The following MOGAT3 variants were observed in gnomAD, a reference collection of about 807,000 sequenced individuals.
MOGAT3 encodes monoacylglycerol O-acyltransferase 3.
Under a neutral mutation model 34.4 loss-of-function variants are expected in MOGAT3, and 39 were observed. The ratio of observed to expected loss-of-function variants is 1.13; its 90% confidence interval spans 0.88 to 1.48. The LOEUF is 1.48. MOGAT3 is among the 40% of genes most tolerant of loss of function. The pLI is 0.00. For synonymous variants in MOGAT3, 209 were observed against 179.2 expected (o/e 1.17, Z -1.33); for missense variants, 439 against 438.9 (o/e 1.00, Z 0.00).
Position 101,196,015 on chromosome 7 carries a change from C to T in MOGAT3, c.957G>A (p.Leu319=). ...CCTTGTGCTCCTCGAAGAGCTGCTC[C>T]AGGGCCGTCATGTAGAGGGCGTGAT... ...NHYHALYMTA[L]EQLFEEHKES... Residue 319 remains leucine, a synonymous_variant, in exon 7 of 7, where the codon CTG becomes CTA. Transcript: ENST00000223114. 6.2e-7 allele frequency: 1 copy of T among 1,614,154 alleles called. No individual in the cohort carries two copies. The highest frequency in any genetic ancestry group is 8.5e-7 in the Non-Finnish European group (1 of 1,180,024).
chr7:101,193,804 G>T (rs1410507603), downstream of MOGAT3, among the ~76,000 whole-genome samples: 2 of 152,112 alleles, frequency 1.3e-5, no homozygotes, highest in African/African-American at 4.8e-5. Flanking sequence ...GGAAGTCATG[G>T]GACTGCCCAT....
rs1358602772 is a variant in MOGAT3 at position 101,198,303 on chromosome 7, C to T, written c.556G>A (p.Ala186Thr). ...FILSQPQLGQAVVIMVGGAHE... is the reference protein window; with the variant it reads ...FILSQPQLGQTVVIMVGGAHE... ...GCACCCCCCACCATGATGACCACGG[C>T]CTGCCCGAGCTGGGGCTGGGACAGG... Residue 186 changes from alanine to threonine, a missense_variant, in exon 5 of 7, where the codon GCC (alanine) becomes ACC (threonine). Coordinates refer to ENST00000223114, the MANE Select transcript of MOGAT3 (RefSeq NM_178176.4). The T allele has an allele frequency of 4.4e-6, 7 of 1,600,362 alleles. No individual in the cohort carries two copies. Among genetic ancestry groups the T allele is most frequent in the Non-Finnish European group, 6.0e-6 (7 of 1,172,534 alleles).
At position 101,198,790 on chromosome 7, in the gene MOGAT3, A is replaced by C. The variant is rs1343501619; in HGVS notation, c.329T>G (p.Val110Gly). 2 of 1,613,768 alleles carry C rather than the reference A, an allele frequency of 1.2e-6. No homozygotes were observed. The highest frequency in any genetic ancestry group is 2.7e-5 in the African/African-American group (2 of 74,846). The change falls in exon 4 of 7, where the codon GTG becomes GGG. Residue 110 changes from valine to glycine, a missense_variant. Physicochemically the swap from Val to Gly is moderately radical, Grantham distance 109 (BLOSUM62 -3). Transcript: ENST00000223114. ...TAELPPDRNY[V>G]LGAHPHGIMC... Reference sequence around the variant, plus strand: ...GATCCCATGAGGGTGGGCGCCCAGCACGTAGTTCCGATCCGGGGGCAGCTC... The same window carrying C: ...GATCCCATGAGGGTGGGCGCCCAGCCCGTAGTTCCGATCCGGGGGCAGCTC...
intron 5 of MOGAT3, among the ~76,000 whole-genome samples, chr7:101,197,390 G>A (rs1481493812): frequency 6.6e-6 from 1 of 151,766 alleles, no homozygotes; most frequent in African/African-American, 2.4e-5. Context: ...GTCTCCCTAT[G>A]TTGCCCAGGC....
intron 3 of MOGAT3, among the ~76,000 whole-genome samples, chr7:101,199,072 G>A (rs1230631670): frequency 1.3e-5 from 2 of 150,224 alleles, no homozygotes; most frequent in Non-Finnish European, 3.0e-5. Context: ...GCACGATCTC[G>A]GCTCACTGCA....
Position 101,198,533 on chromosome 7 carries a change from G to A in MOGAT3, c.493+93C>T, listed in dbSNP as rs954288078. 33 of 1,369,816 alleles carry A rather than the reference G, an allele frequency of 2.4e-5. No individual in the cohort carries two copies. The Admixed American group carries it at 5.7e-4, about 24-fold the overall frequency. 84.9% of individuals were successfully genotyped at this position (1,369,816 alleles called of 1,614,324 possible). ...GCTCAGGCTGGCCCCTGTCCTGGGT[G>A]GGGGACTTATTATGGGGGGGGGTGG... On this transcript the variant is annotated intron_variant, in intron 4 of 6. Transcript: ENST00000223114.
intron 3 of MOGAT3, 146 bp from the exon 4 acceptor site, chr7:101,198,976 C>T: frequency 1.8e-6 from 1 of 561,266 alleles, no homozygotes; most frequent in Non-Finnish European, 3.1e-6. Context: ...GTTAAAGGTT[C>T]TTAGGATAGG....
In MOGAT3 at chr7:101,200,427, G is replaced by A; in HGVS notation, c.198C>T (p.Asp66=). 1 of 1,612,866 alleles carries A rather than the reference G, an allele frequency of 6.2e-7. No individual in the cohort carries two copies. Among genetic ancestry groups the A allele is most frequent in the South Asian group, 1.1e-5 (1 of 91,026 alleles). Residue 66 remains aspartate (D), a synonymous_variant, in exon 2 of 7, where the codon GAC becomes GAT. Coordinates refer to ENST00000223114, the MANE Select transcript of MOGAT3 (RefSeq NM_178176.4). Reference sequence around the variant, plus strand: ...GCTCACCTTGGTTGGGTGTGTCCCAGTCCACATAGAGCCACACCAAGTAAA... The same window carrying A: ...GCTCACCTTGGTTGGGTGTGTCCCAATCCACATAGAGCCACACCAAGTAAA... ...SVFYLVWLYV[D]WDTPNQGGRR...
chr7:101,194,455 G>A (rs140321952), downstream of MOGAT3, among the ~76,000 whole-genome samples: 1,547 of 150,452 alleles, frequency 0.01, 31 homozygotes, highest in African/African-American at 0.036. Flanking sequence ...CAAAGTGCTG[G>A]GATTATAGGT....
chr7:101,196,482 C>T (rs1216221341), intron 5 of MOGAT3, 93 bp from the exon 6 acceptor site: 4 of 779,492 alleles, frequency 5.1e-6, no homozygotes, highest in South Asian at 3.6e-5. Context: ...CCACTACGTC[C>T]AGATGCTACC....
intron 5 of MOGAT3, 109 bp from the exon 6 acceptor site, chr7:101,196,498 G>A: frequency 1.5e-6 from 1 of 689,338 alleles, no homozygotes; most frequent in Non-Finnish European, 2.5e-6. Context: ...CTACCTCCCA[G>A]GGTCATTCAA....
rs745827603 is a variant in MOGAT3 at position 101,196,115 on chromosome 7, A to G, written c.872-15T>C. On this transcript the variant is annotated splice_polypyrimidine_tract_variant and intron_variant, in intron 6 of 6. Coordinates refer to ENST00000223114, the MANE Select transcript of MOGAT3 (RefSeq NM_178176.4). ...GGGGCGGCCCACTGCAGGGAGAGGG[A>G]GACAGGTGGGCGAGGGATCCCTGAT... 1.7e-5 allele frequency: 27 copies of G among 1,599,506 alleles called. 2 individuals are homozygous for G. The South Asian group carries it at 2.6e-4, about 15-fold the overall frequency.
intron 5 of MOGAT3, 28 bp downstream of exon 5, chr7:101,198,163 G>C: frequency 6.3e-7 from 1 of 1,587,934 alleles, no homozygotes; most frequent in Non-Finnish European, 8.6e-7. Flanking sequence ...GCAGAGAACT[G>C]ACAGGTAGGG....
At chr7:101,196,164 T>TC in intron 6 of MOGAT3, 23 bp downstream of exon 6, 1 of 1,566,806 alleles carries the variant, frequency 6.4e-7, no homozygotes, top group Non-Finnish European at 8.7e-7. Flanking sequence ...CTGGTGGCCG[T>TC]CCCCCCGGAG....
chr7:101,198,267 G>C lies in MOGAT3; in HGVS notation c.592C>G (p.Leu198Val), dbSNP rs149351569. 424 of 1,612,414 alleles carry C rather than the reference G, an allele frequency of 2.6e-4. 1 individual carries two copies. The African/African-American group carries it at 4.6e-3, about 18-fold the overall frequency. The part of the protein sequence containing the change: ...VIMVGGAHEA[L>V]YSVPGEHCLT... Reference sequence around the variant, plus strand: ...CAGTGCTCCCCGGGGACTGAATACAGGGCCTCGTGCGCACCCCCCACCATG... The same window carrying C: ...CAGTGCTCCCCGGGGACTGAATACACGGCCTCGTGCGCACCCCCCACCATG... Residue 198 changes from leucine to valine, a missense_variant, in exon 5 of 7, where the codon CTG becomes GTG. By Grantham distance (32) the Leu-to-Val change is conservative. Transcript: ENST00000223114.
intron 3 of MOGAT3, 55 bp from the exon 4 acceptor site, chr7:101,198,885 A>C: frequency 7.9e-6 from 12 of 1,517,938 alleles, no homozygotes; most frequent in Non-Finnish European, 1.1e-5. Context: ...ACCGGCTGAA[A>C]AGAGGGGCCC....
At chr7:101,193,694 C>T (rs139816331), downstream of MOGAT3, among the ~76,000 whole-genome samples, 6 of 152,286 alleles carry the variant, frequency 3.9e-5, no homozygotes, top group East Asian at 1.2e-3. Context: ...TCCTAAAGTG[C>T]TGGGCTTACA....
chr7:101,199,776 C>A (rs536234062), intron 3 of MOGAT3, among the ~76,000 whole-genome samples: 61 of 151,974 alleles, frequency 4.0e-4, no homozygotes, highest in African/African-American at 1.3e-3. Flanking sequence ...CATGGTGCCC[C>A]ACCAAGGCCC....
Position 101,195,712 on chromosome 7 carries a change from A to G in MOGAT3, c.*234T>C. The stretch of plus-strand genomic sequence containing the variant: ...ACATGCCACCATGCCCGGCTAATTA[A>G]CAACATTATTTTTTAATTTTTGTAG... On this transcript the variant is annotated 3_prime_UTR_variant, in exon 7 of 7. Coordinates refer to ENST00000223114, the MANE Select transcript of MOGAT3 (RefSeq NM_178176.4). The G allele has an allele frequency of 3.6e-6, 2 of 559,530 alleles. No homozygotes were observed. The highest frequency in any genetic ancestry group is 6.3e-6 in the Non-Finnish European group (2 of 315,322). 34.7% of individuals were successfully genotyped at this position (559,530 alleles called of 1,614,324 possible). A position where few individuals can be genotyped will look rare whatever the true frequency, so the allele number is the denominator to read the frequency against.
Sources: gnomAD v4.1 joint callset for allele counts (sites outside exome capture counted in the v4.1 genomes callset) on GRCh38, gnomAD v4.1.1 for gene constraint, MANE v1.5 for transcripts, NCBI Gene and HGNC (gene_info 2026-07-23, HGNC 2026-07-21) for gene names.